The following ARID1A variants were observed in gnomAD, a reference collection of about 807,000 sequenced individuals.
ARID1A encodes the protein AT-rich interaction domain 1A.
A neutral mutation model predicts 212.6 loss-of-function variants in ARID1A; 20 were observed. The ratio of observed to expected loss-of-function variants is 0.09; its 90% confidence interval spans 0.07 to 0.14. ARID1A has a LOEUF of 0.14. Among genes scored for constraint, ARID1A ranks in the 10% least tolerant of loss-of-function variants. The pLI is 1.00. For synonymous variants in ARID1A, 1,376 were observed against 1,222.1 expected (o/e 1.13, Z -2.63); for missense variants, 2,587 against 3,059.0 (o/e 0.85, Z 3.64).
In ARID1A at chr1:26,774,564, G is replaced by T. The variant is rs772939817; in HGVS notation, c.4337G>T (p.Arg1446Leu). 6.2e-7 allele frequency: 1 copy of T among 1,614,114 alleles called. No homozygotes were observed. The highest frequency in any genetic ancestry group is 1.1e-5 in the South Asian group (1 of 91,062). ...PATATAATERRPAGGPQNQFP... is the reference protein window; with the variant it reads ...PATATAATERLPAGGPQNQFP... ...ACTGCCACAGCTGCTACTGAGCGCC[G>T]ACCAGCAGGCGGCCCCCAGAACCAA... The change falls in exon 18 of 20, where the codon CGA (arginine) becomes CTA (leucine). Residue 1446 changes from arginine to leucine, a missense_variant. This residue lies in a region of ARID1A where 890 missense variants were observed against 1,098.2 expected (regional missense o/e 0.81). Transcript: ENST00000324856. The surrounding 1 kb of genome is among the most constrained non-coding windows in gnomAD (Gnocchi z 5.6).
chr1:26,723,561 C>T (rs934957818), intron 1 of ARID1A, among the ~76,000 whole-genome samples: 1 of 152,200 alleles, frequency 6.6e-6, no homozygotes, highest in Non-Finnish European at 1.5e-5. Flanking sequence ...CAGTCCAAGT[C>T]CTCCCAGGCA....
Position 26,775,580 on chromosome 1 carries a change from C to T in ARID1A, c.4997C>T (p.Thr1666Ile), listed in dbSNP as rs745955185. Residue 1666 changes from threonine (T) to isoleucine (I), a missense_variant, in exon 19 of 20, where the codon ACC (threonine) becomes ATC (isoleucine). Thr to Ile is a moderately conservative substitution (Grantham distance 89). Coordinates refer to ENST00000324856, the MANE Select transcript of ARID1A (RefSeq NM_006015.6). ...ACGACATGGAGGTTTATTTCAGGAA[C>T]CCCGGAGGCATGGCGGGTAATGATG... ...RRRLTMKDIG[T>I]PEAWRVMMSL... is the part of the protein sequence containing the mutation. 2.5e-6 allele frequency: 4 copies of T among 1,614,038 alleles called. No homozygotes were observed. Among genetic ancestry groups the T allele is most frequent in the Non-Finnish European group, 3.4e-6 (4 of 1,180,008 alleles).
At chr1:26,706,152 C>CT (rs976666889) in intron 1 of ARID1A, among the ~76,000 whole-genome samples, 3 of 152,248 alleles carry the variant, frequency 2.0e-5, no homozygotes, top group Admixed American at 6.5e-5. Context: ...TGCCATGTGC[C>CT]TTTTTTTCTC....
chr1:26,704,784 A>G (rs996124829), intron 1 of ARID1A, among the ~76,000 whole-genome samples: 1 of 151,768 alleles, frequency 6.6e-6, no homozygotes, highest in Non-Finnish European at 1.5e-5. Flanking sequence ...GCTTGAGCCC[A>G]GGAGGTTGAG....
Position 26,780,090 on chromosome 1 carries a change from C to T in ARID1A, c.6192C>T (p.Leu2064=), listed in dbSNP as rs903087298. Residue 2064 remains leucine (L), a synonymous_variant, in exon 20 of 20, where the codon CTC becomes CTT. Coordinates refer to ENST00000324856, the MANE Select transcript of ARID1A (RefSeq NM_006015.6). This position sits in a 1 kb window ranked among gnomAD's most constrained non-coding sequence, Gnocchi z 7.2. The part of the protein sequence containing the change: ...EMLRENTLVT[L]ANISGQLDLS... ...TCCGGGAAAACACCTTGGTTACACT[C>T]GCCAACATCTCGGGGCAGTTGGACC... is the stretch of plus-strand genomic sequence containing the variant. 6.2e-6 allele frequency: 10 copies of T among 1,614,028 alleles called. No individual in the cohort carries two copies. The highest frequency in any genetic ancestry group is 3.3e-4 in the Middle Eastern group (2 of 6,084).
chr1:26,697,815 C>T (rs1165518981), intron 1 of ARID1A, among the ~76,000 whole-genome samples: 1 of 25,624 alleles, frequency 3.9e-5, no homozygotes, highest in African/African-American at 1.5e-4. Context: ...GATGGGGGTG[C>T]GGGGCAGAGT....
rs2124137405 is a variant in ARID1A, at chr1:26,779,138, C to T, written c.5240C>T (p.Pro1747Leu). 2 of 1,588,050 alleles carry T rather than the reference C, an allele frequency of 1.3e-6. No homozygotes were observed. Among genetic ancestry groups the T allele is most frequent in the Non-Finnish European group, 1.7e-6 (2 of 1,165,986 alleles). The change falls in exon 20 of 20, where the codon CCT becomes CTT. Residue 1747 changes from proline (P) to leucine (L), a missense_variant. By Grantham distance (98) the Pro-to-Leu change is moderately conservative (BLOSUM62 -3). Around this residue, in one of 11 missense-constraint regions of ARID1A, gnomAD observed 890 missense variants for 1,098.2 expected, o/e 0.81. Coordinates refer to ENST00000324856, the MANE Select transcript of ARID1A (RefSeq NM_006015.6). Reference protein sequence around the residue: ...GDPGQRTLLDPGRFSKVSSPA... With the variant: ...GDPGQRTLLDLGRFSKVSSPA... ...CCAGGACAGAGAACGCTACTGGATC[C>T]TGGGAGGTTCAGCAAGGTGTCTAGT...
intron 11 of ARID1A, among the ~76,000 whole-genome samples, chr1:26,768,551 C>T (rs1456889940): frequency 6.6e-6 from 1 of 152,182 alleles, no homozygotes; most frequent in East Asian, 1.9e-4. Flanking sequence ...AGAAGTAGAT[C>T]TTCCCATTCC....
chr1:26,761,152 T>G (rs1262421894), intron 5 of ARID1A, 56 bp downstream of exon 5: 1 of 1,594,650 alleles, frequency 6.3e-7, no homozygotes. Flanking sequence ...CCCAGTAATA[T>G]TAAGGAGCCC....
chr1:26,734,006 G>C (rs1050020116), intron 4 of ARID1A, among the ~76,000 whole-genome samples: 1 of 152,220 alleles, frequency 6.6e-6, no homozygotes, highest in African/African-American at 2.4e-5. Context: ...TCTGAGGCCA[G>C]AATGCAGATA....
intron 4 of ARID1A, among the ~76,000 whole-genome samples, chr1:26,734,456 A>T (rs1274755846): frequency 6.6e-6 from 1 of 151,342 alleles, no homozygotes; most frequent in Non-Finnish European, 1.5e-5. Flanking sequence ...AGTGAAGGTG[A>T]AGGTGTTGGC....
rs2124742881 is a variant in ARID1A at position 26,697,054 on chromosome 1, C to T, written c.651C>T (p.Pro217=). ...ACCACCAGTACAACTCCTACTACCC[C>T]AACCGCAGCGCCTACCCCCCGCCCG... is the stretch of plus-strand genomic sequence containing the variant. ...FPNHQYNSYY[P]NRSAYPPPAP... is the part of the protein sequence containing the mutation. The change falls in exon 1 of 20, where the codon CCC becomes CCT. Residue 217 remains proline (P), a synonymous_variant. Coordinates refer to ENST00000324856, the MANE Select transcript of ARID1A (RefSeq NM_006015.6). 6.5e-7 allele frequency: 1 copy of T among 1,531,330 alleles called. No homozygotes were observed. Among genetic ancestry groups the T allele is most frequent in the Middle Eastern group, 1.7e-4 (1 of 5,844 alleles). 94.9% of individuals were successfully genotyped at this position (1,531,330 alleles called of 1,614,324 possible).
rs2124098163 is a variant in ARID1A, at chr1:26,771,285, A to G, written c.3365A>G (p.Asp1122Gly). Residue 1122 changes from aspartate (D) to glycine (G), a missense_variant, in exon 12 of 20, where the codon GAT becomes GGT. Physicochemically the swap from Asp to Gly is moderately conservative, Grantham distance 94 (BLOSUM62 -1). Coordinates refer to ENST00000324856, the MANE Select transcript of ARID1A (RefSeq NM_006015.6). This position sits in a 1 kb window ranked among gnomAD's most constrained non-coding sequence, Gnocchi z 5.4. Reference sequence around the variant, plus strand: ...CCCCCAGACATCTTTGCAGCTGCTGATTCCAAGAAGTCCCAGCCCAAGATC... The same window carrying G: ...CCCCCAGACATCTTTGCAGCTGCTGGTTCCAAGAAGTCCCAGCCCAAGATC... Reference protein sequence around the residue: ...DPPPDIFAAADSKKSQPKIQP... With the variant: ...DPPPDIFAAAGSKKSQPKIQP... 6.2e-7 allele frequency: 1 copy of G among 1,614,158 alleles called. No homozygotes were observed. The highest frequency in any genetic ancestry group is 8.5e-7 in the Non-Finnish European group (1 of 1,180,038).
intron 1 of ARID1A, among the ~76,000 whole-genome samples, chr1:26,706,333 T>G (rs1167649885): frequency 6.6e-6 from 1 of 152,240 alleles, no homozygotes; most frequent in Non-Finnish European, 1.5e-5. Context: ...TTGTTCGTTT[T>G]CAGCTTGCTT....
rs148936933 is a variant in ARID1A, at chr1:26,775,096, G to A, written c.4869G>A (p.Ser1623=). Residue 1623 remains serine (S), a synonymous_variant, in exon 18 of 20, where the codon TCG becomes TCA. Coordinates refer to ENST00000324856, the MANE Select transcript of ARID1A (RefSeq NM_006015.6). ...AGGCAGGTCCCCCAGTACCTGCCTC[G>A]CACATAGCACCTGCCCCTGTGCAGC... is the stretch of plus-strand genomic sequence containing the variant. ...MQKAGPPVPA[S]HIAPAPVQPP... is the part of the protein sequence containing the mutation. 2.4e-4 allele frequency: 386 copies of A among 1,612,838 alleles called. No homozygotes were observed. The African/African-American group carries it at 2.7e-3, about 11-fold the overall frequency.
At chr1:26,754,404 G>C (rs992741390) in intron 4 of ARID1A, among the ~76,000 whole-genome samples, 1 of 152,156 alleles carries the variant, frequency 6.6e-6, no homozygotes, top group Admixed American at 6.5e-5. Flanking sequence ...GGACTGGTGG[G>C]TATGTCTTAG....
In ARID1A at chr1:26,696,497, C is replaced by CG. The variant is rs2080254598; in HGVS notation, c.97dup (p.Glu33GlyfsTer78). The CG allele has an allele frequency of 8.1e-7, 1 of 1,236,668 alleles. No individual in the cohort carries two copies. Among genetic ancestry groups the CG allele is most frequent in the African/African-American group, 1.6e-5 (1 of 63,412 alleles). The allele number at this position is 1,236,668 out of a possible 1,614,324, so 76.6% of individuals were successfully genotyped here. On this transcript the variant is annotated frameshift_variant, in exon 1 of 20. Transcript: ENST00000324856. LOFTEE classifies it high-confidence loss of function. ...GCTGAAGAAAGCCGAGCAGCAGCAGCGGGAGGAGGCGGGGGGCGAGGCGGC... is the reference window on the plus strand; with the variant it reads ...GCTGAAGAAAGCCGAGCAGCAGCAGCGGGGAGGAGGCGGGGGGCGAGGCGGC...
At chr1:26,706,961 C>T (rs1440417606) in intron 1 of ARID1A, among the ~76,000 whole-genome samples, 1 of 151,812 alleles carries the variant, frequency 6.6e-6, no homozygotes, top group South Asian at 2.1e-4. Flanking sequence ...AACCATATTA[C>T]AAAGCTTTTG....
At chr1:26,709,835 CTTTTT>C (rs11303126) in intron 1 of ARID1A, among the ~76,000 whole-genome samples, 1 of 138,836 alleles carries the variant, frequency 7.2e-6, no homozygotes. Flanking sequence ...AGCTTGCTTA[CTTTTT>C]TTTTTTTTTG....
Sources: allele counts gnomAD v4.1 joint callset (sites outside exome capture counted in the v4.1 genomes callset), GRCh38; gene constraint gnomAD v4.1.1; regional missense constraint gnomAD v4.1.1; non-coding constraint Gnocchi (gnomAD v3.1); transcripts MANE v1.5; gene names NCBI Gene and HGNC (gene_info 2026-07-23, HGNC 2026-07-21).